The following DLG2 variants were observed in gnomAD, a reference collection of about 807,000 sequenced individuals.
DLG2 encodes disks large homolog 2.
In DLG2, 45 loss-of-function variants were observed where a neutral mutation model predicts 132.5. That is an observed-to-expected ratio of 0.34 (90% confidence interval 0.27 to 0.44). The LOEUF is 0.44. DLG2 is among the 20% of genes least tolerant of loss of function. The probability of loss-of-function intolerance (pLI) is 1.00; values close to 1 mark genes in which losing one functional copy is unlikely to be tolerated. For synonymous variants in DLG2, 424 were observed against 419.6 expected (o/e 1.01, Z -0.13); for missense variants, 1,045 against 1,196.9 (o/e 0.87, Z 1.87).
intron 8 of DLG2, among the ~76,000 whole-genome samples, chr11:84,167,917 T>C (rs1242526102): frequency 1.3e-5 from 2 of 152,188 alleles, no homozygotes; most frequent in African/African-American, 4.8e-5. Flanking sequence ...CCACCCACCT[T>C]GGCCTCCCAA....
chr11:84,809,207 G>T (rs1207796778), intron 6 of DLG2, among the ~76,000 whole-genome samples: 1 of 151,932 alleles, frequency 6.6e-6, no homozygotes, highest in East Asian at 1.9e-4. Flanking sequence ...TTCAATCTAT[G>T]CAGAAAATAC....
At chr11:84,115,028 A>C (rs952179716) in intron 9 of DLG2, among the ~76,000 whole-genome samples, 2 of 152,170 alleles carry the variant, frequency 1.3e-5, no homozygotes, top group African/African-American at 4.8e-5. Flanking sequence ...AGCTATGCTT[A>C]GTCTGTAGTT....
intron 3 of DLG2, among the ~76,000 whole-genome samples, chr11:85,587,000 T>C (rs932184275): frequency 9.2e-5 from 14 of 152,162 alleles, no homozygotes; most frequent in Admixed American, 2.6e-4. Flanking sequence ...AGTATTTGTA[T>C]AGTTTTGAGG....
intron 3 of DLG2, among the ~76,000 whole-genome samples, chr11:85,330,792 TAAA>T (rs56995757): frequency 0.016 from 1,831 of 116,496 alleles, 31 homozygotes; most frequent in African/African-American, 0.048. Flanking sequence ...AAAAAAAAAT[TAAA>T]AAAAAAAAAA....
chr11:84,082,168 T>C (rs1002972588), intron 10 of DLG2, among the ~76,000 whole-genome samples: 15 of 152,330 alleles, frequency 9.8e-5, no homozygotes, highest in Middle Eastern at 3.4e-3. Flanking sequence ...ACAGTCATTT[T>C]ATTTTAAAAT....
At chr11:84,479,048 A>C (rs1377219623) in intron 7 of DLG2, among the ~76,000 whole-genome samples, 1 of 152,110 alleles carries the variant, frequency 6.6e-6, no homozygotes, top group Non-Finnish European at 1.5e-5. Context: ...ATAAAATGAC[A>C]ATCTTGCTGG....
intron 21 of DLG2, among the ~76,000 whole-genome samples, chr11:83,510,830 GTTTTTTTTT>G (rs566973328): frequency 4.2e-4 from 37 of 88,788 alleles, no homozygotes; most frequent in East Asian, 2.1e-3. Flanking sequence ...TGAACCATCC[GTTTTTTTTT>G]TTTTTTTTTT....
chr11:85,607,000 A>G (rs1160048382), intron 2 of DLG2, among the ~76,000 whole-genome samples: 2 of 152,174 alleles, frequency 1.3e-5, no homozygotes, highest in Non-Finnish European at 2.9e-5. Context: ...GAAGTCAGAG[A>G]GACAAAGAAC....
chr11:85,306,611 C>T (rs915608330), intron 3 of DLG2, among the ~76,000 whole-genome samples: 3 of 152,130 alleles, frequency 2.0e-5, no homozygotes, highest in African/African-American at 7.2e-5. Flanking sequence ...TGCTCTGTGG[C>T]CCAGGCTGGA....
intron 7 of DLG2, among the ~76,000 whole-genome samples, chr11:84,518,040 C>G (rs992174077): frequency 4.0e-4 from 60 of 151,760 alleles, no homozygotes; most frequent in African/African-American, 1.4e-3. Flanking sequence ...TCAAAGGATA[C>G]AAAATTTTAC....
intron 6 of DLG2, among the ~76,000 whole-genome samples, chr11:84,951,600 A>G (rs2050926321): frequency 6.7e-6 from 1 of 150,066 alleles, no homozygotes; most frequent in African/African-American, 2.5e-5. Flanking sequence ...ATATATATAT[A>G]CACATATATA....
At chr11:84,375,199 T>A (rs2098724063) in intron 7 of DLG2, among the ~76,000 whole-genome samples, 1 of 152,202 alleles carries the variant, frequency 6.6e-6, no homozygotes. Context: ...ATGTGAATAA[T>A]TCTCCAAAGA....
At chr11:84,999,627 G>C (rs1032374411) in intron 6 of DLG2, among the ~76,000 whole-genome samples, 9 of 152,094 alleles carry the variant, frequency 5.9e-5, no homozygotes, top group Admixed American at 4.6e-4. Flanking sequence ...AGTTGTTGTT[G>C]TCTGTTTTTG....
intron 14 of DLG2, among the ~76,000 whole-genome samples, chr11:83,936,934 G>C (rs1050400390): frequency 1.3e-5 from 2 of 152,078 alleles, no homozygotes; most frequent in African/African-American, 4.8e-5. Context: ...AGAGTCACAG[G>C]GTCAATATTA....
chr11:85,021,019 G>C, intron 6 of DLG2: 2 of 773,142 alleles, frequency 2.6e-6, no homozygotes, highest in Admixed American at 1.7e-5. Context: ...TCTACTGCTT[G>C]TTTGTTCTGT....
chr11:84,741,056 C>CTTTTTTTT (rs1163275954), intron 6 of DLG2, among the ~76,000 whole-genome samples: 1 of 79,330 alleles, frequency 1.3e-5, no homozygotes, highest in African/African-American at 5.8e-5. Flanking sequence ...TGCCTATGCT[C>CTTTTTTTT]TTTTTTTTTT....
intron 6 of DLG2, among the ~76,000 whole-genome samples, chr11:84,642,119 T>TGC (rs2099667939): frequency 7.2e-6 from 1 of 138,990 alleles, no homozygotes; most frequent in African/African-American, 2.6e-5. Context: ...ATATGTAGAG[T>TGC]GTGTGTGTGT....
intron 6 of DLG2, among the ~76,000 whole-genome samples, chr11:85,055,600 A>C (rs1182399042): frequency 6.6e-6 from 1 of 152,180 alleles, no homozygotes; most frequent in Non-Finnish European, 1.5e-5. Flanking sequence ...CTATGACTTG[A>C]TAATTCAAGA....
chr11:84,966,216 ATCTG>A (rs1280290619), intron 6 of DLG2, among the ~76,000 whole-genome samples: 1 of 152,028 alleles, frequency 6.6e-6, no homozygotes, highest in African/African-American at 2.4e-5. Context: ...CTATCTATCT[ATCTG>A]TCTGTCTGTT....
Sources: allele counts gnomAD v4.1 joint callset (sites outside exome capture counted in the v4.1 genomes callset), GRCh38; gene constraint gnomAD v4.1.1; transcripts MANE v1.5; gene names NCBI Gene and HGNC (gene_info 2026-07-23, HGNC 2026-07-21).